Variants in PIK3C2G observed in about 807,000 individuals in gnomAD.
PIK3C2G encodes the protein phosphatidylinositol-4-phosphate 3-kinase catalytic subunit type 2 gamma, also known as phosphatidylinositol 3-kinase C2 domain-containing subunit gamma.
Under a neutral mutation model 181.1 loss-of-function variants are expected in PIK3C2G, and 168 were observed. The observed-to-expected ratio is 0.93, with a 90% CI of 0.82 to 1.05. PIK3C2G has a LOEUF of 1.05. PIK3C2G is among the 50% of genes least tolerant of loss of function. The pLI, the probability that PIK3C2G is intolerant of heterozygous loss-of-function variation, is 0.00. For synonymous variants in PIK3C2G, 573 were observed against 592.2 expected, an observed-to-expected ratio of 0.97 and a Z score of 0.47; for missense variants, 1,869 against 1,732.8, an observed-to-expected ratio of 1.08 and a Z score of -1.40.
At chr12:18,338,604 A>T in intron 9 of PIK3C2G, 56 bp downstream of exon 9, 1 of 1,248,926 alleles carries the variant, frequency 8.0e-7, no homozygotes, top group Non-Finnish European at 1.1e-6. Flanking sequence ...ATACTTAATT[A>T]AGGAGAGTGA....
chr12:18,559,513 T>C (rs777448384), intron 26 of PIK3C2G, among the ~76,000 whole-genome samples: 1 of 151,798 alleles, frequency 6.6e-6, no homozygotes, highest in Non-Finnish European at 1.5e-5. Flanking sequence ...GCAGTTGAAA[T>C]TGGAAGTACT....
intron 5 of PIK3C2G, among the ~76,000 whole-genome samples, chr12:18,309,512 A>T (rs1222335855): frequency 2.0e-5 from 3 of 151,764 alleles, no homozygotes; most frequent in African/African-American, 7.2e-5. Context: ...TTTGCCTGTA[A>T]TTCTCTCATG....
At position 18,290,812 on chromosome 12, in the gene PIK3C2G, G is replaced by A. The variant is rs142547989; in HGVS notation, c.762-43G>A. The A allele has an allele frequency of 2.0e-4, 248 of 1,250,184 alleles. No homozygotes were observed. The African/African-American group carries it at 3.3e-3, about 16-fold the overall frequency. 77.4% of individuals were successfully genotyped at this position (1,250,184 alleles called of 1,614,324 possible). On this transcript the variant is annotated intron_variant, in intron 3 of 32. Coordinates refer to ENST00000538779, the MANE Select transcript of PIK3C2G (RefSeq NM_001288772.2). ...GGCAATATGTTTTAAACTGTGTCTT[G>A]CAGGTCTTGTCCTAAGTATTTTTCT... is the stretch of plus-strand genomic sequence containing the variant.
Position 18,399,194 on chromosome 12 carries a change from C to CAAAAAAAAAAAAAA in PIK3C2G, c.2127-462_2127-449dup, listed in dbSNP as rs536592064. 1.1e-3 allele frequency among the ~76,000 whole-genome samples: 87 copies of CAAAAAAAAAAAAAA among 80,246 alleles called. 1 individual carries two copies. Among genetic ancestry groups the CAAAAAAAAAAAAAA allele is most frequent in the African/African-American group, 3.2e-3 (67 of 20,872 alleles). The allele number at this position is 80,246 out of a possible 152,430, so 52.6% of individuals were successfully genotyped here. A position where few individuals can be genotyped will look rare whatever the true frequency, so the allele number is the denominator to read the frequency against. ...TGGGTGACAGAGCGAGACTCCGTCT[C>CAAAAAAAAAAAAAA]AAAAAAAAAAAAAAAATATGCCATT... On this transcript the variant is annotated intron_variant, in intron 15 of 32. Transcript: ENST00000538779.
intron 31 of PIK3C2G, among the ~76,000 whole-genome samples, chr12:18,639,716 C>T (rs1452255787): frequency 1.3e-5 from 2 of 151,910 alleles, no homozygotes; most frequent in African/African-American, 4.8e-5. Flanking sequence ...GTTCTGAAGC[C>T]AGGAAGGGGA....
At chr12:18,725,452 A>C in the PIK3C2G span, among the ~76,000 whole-genome samples, 171 of 152,256 alleles carry the variant, frequency 1.1e-3, no homozygotes, top group African/African-American at 3.9e-3. Context: ...ATTTTTAACT[A>C]ACTCTAAGAC....
chr12:18,389,112 G>A (rs1456539347), intron 14 of PIK3C2G, among the ~76,000 whole-genome samples: 4 of 152,152 alleles, frequency 2.6e-5, no homozygotes, highest in Non-Finnish European at 5.9e-5. Context: ...AAGCACTTTG[G>A]GAGGCCGAGG....
chr12:18,712,469 T>C, the PIK3C2G span, among the ~76,000 whole-genome samples: 1 of 152,214 alleles, frequency 6.6e-6, no homozygotes, highest in Non-Finnish European at 1.5e-5. Context: ...GCATTGTTGA[T>C]ACATTTTATT....
chr12:18,565,873 C>G (rs1945608475), intron 28 of PIK3C2G, among the ~76,000 whole-genome samples: 1 of 152,132 alleles, frequency 6.6e-6, no homozygotes, highest in Admixed American at 6.6e-5. Context: ...CCAGCCTAAT[C>G]TCTCATTTAT....
At chr12:18,534,304 C>T (rs978486283) in intron 24 of PIK3C2G, among the ~76,000 whole-genome samples, 4 of 151,864 alleles carry the variant, frequency 2.6e-5, no homozygotes, top group Admixed American at 6.6e-5. Context: ...AATTATTATC[C>T]GTAATATAAG....
intron 11 of PIK3C2G, among the ~76,000 whole-genome samples, chr12:18,354,742 C>A (rs1054448549): frequency 4.6e-5 from 7 of 152,202 alleles, no homozygotes; most frequent in African/African-American, 1.7e-4. Flanking sequence ...TCAGGATGCA[C>A]TCCAGAAGAG....
At chr12:18,291,177 G>T (rs971172641) in intron 4 of PIK3C2G, among the ~76,000 whole-genome samples, 165 bp downstream of exon 4, 3 of 152,156 alleles carry the variant, frequency 2.0e-5, no homozygotes, top group South Asian at 2.1e-4. Context: ...ATACTTAAGG[G>T]AGGAAAGCAA....
chr12:18,369,471 A>G (rs1469409315), intron 12 of PIK3C2G, among the ~76,000 whole-genome samples: 17 of 149,278 alleles, frequency 1.1e-4, no homozygotes, highest in Admixed American at 1.0e-3. Context: ...ATATGATCAT[A>G]TAACGATCGT....
chr12:18,333,457 G>T (rs1938188505), intron 8 of PIK3C2G, among the ~76,000 whole-genome samples: 1 of 151,840 alleles, frequency 6.6e-6, no homozygotes, highest in Non-Finnish European at 1.5e-5. Context: ...CCACCGACAG[G>T]CCCGGTGTGT....
At chr12:18,692,361 G>A in the PIK3C2G span, among the ~76,000 whole-genome samples, 2 of 152,092 alleles carry the variant, frequency 1.3e-5, no homozygotes, top group South Asian at 4.1e-4. Context: ...TAAGTGGAGA[G>A]AAAAAGCAAC....
chr12:18,396,277 C>A (rs2138093583), intron 15 of PIK3C2G, among the ~76,000 whole-genome samples: 1 of 151,508 alleles, frequency 6.6e-6, no homozygotes, highest in African/African-American at 2.4e-5. Flanking sequence ...ATCCTATCAC[C>A]TTGCTAGATC....
chr12:18,566,362 T>C (rs1945633370), intron 28 of PIK3C2G, among the ~76,000 whole-genome samples: 1 of 152,162 alleles, frequency 6.6e-6, no homozygotes, highest in Admixed American at 6.6e-5. Flanking sequence ...TGTTACCAAA[T>C]GCTACCCATT....
intron 18 of PIK3C2G, among the ~76,000 whole-genome samples, chr12:18,477,282 C>T (rs993469405): frequency 2.6e-5 from 4 of 152,154 alleles, no homozygotes; most frequent in Admixed American, 6.5e-5. Context: ...AAAACAAAAA[C>T]GTAGATTAAA....
intron 24 of PIK3C2G, among the ~76,000 whole-genome samples, chr12:18,523,456 T>C (rs2136189839): frequency 2.0e-5 from 3 of 152,344 alleles, no homozygotes. Context: ...ATTGGTAGGA[T>C]CACTGCTCTG....
Sources: gnomAD v4.1 joint callset for allele counts (sites outside exome capture counted in the v4.1 genomes callset) on GRCh38, gnomAD v4.1.1 for gene constraint, MANE v1.5 for transcripts, NCBI Gene and HGNC (gene_info 2026-07-23, HGNC 2026-07-21) for gene names.